Variants in MTRR observed in about 807,000 individuals in gnomAD.
MTRR encodes the protein 5-methyltetrahydrofolate-homocysteine methyltransferase reductase, also known as methionine synthase reductase.
A neutral mutation model predicts 79.2 loss-of-function variants in MTRR; 63 were observed. That is an observed-to-expected ratio of 0.80 (90% CI 0.65 to 0.98). MTRR has a LOEUF of 0.98. Among genes scored for constraint, MTRR ranks in the 50% least tolerant of loss-of-function variants. MTRR has a pLI of 0.00. For missense variants in MTRR, 895 were observed against 839.6 expected, an observed-to-expected ratio of 1.07 and a Z score of -0.82; for synonymous variants, 355 against 313.3, an observed-to-expected ratio of 1.13 and a Z score of -1.41.
rs2126643684 is a variant in MTRR, at chr5:7,870,798, A to T, written c.4A>T (p.Arg2Trp). The T allele has an allele frequency of 3.7e-6, 6 of 1,614,130 alleles. No individual in the cohort carries two copies. The highest frequency in any genetic ancestry group is 1.1e-5 in the South Asian group (1 of 91,076). Residue 2 changes from arginine to tryptophan, a missense_variant, in exon 2 of 15, where the codon AGG becomes TGG. By Grantham distance (101) the Arg-to-Trp change is moderately radical. Transcript: ENST00000440940. Reference sequence around the variant, plus strand: ...CACTGTTACATGCCTTGAAGTGATGAGGAGGTTTCTGTTACTATATGCTAC... The same window carrying T: ...CACTGTTACATGCCTTGAAGTGATGTGGAGGTTTCTGTTACTATATGCTAC... MRRFLLLYATQQ... is the reference protein window; with the variant it reads MWRFLLLYATQQ...
At chr5:7,883,875 A>G (rs1041423864) in intron 6 of MTRR, among the ~76,000 whole-genome samples, 1 of 152,224 alleles carries the variant, frequency 6.6e-6, no homozygotes, top group Non-Finnish European at 1.5e-5. Flanking sequence ...TCAGCCAGGA[A>G]GTTAGAAATA....
chr5:7,870,749 C>CT, intron 1 of MTRR, 21 bp from the exon 2 acceptor site: 2 of 1,613,732 alleles, frequency 1.2e-6, no homozygotes, highest in East Asian at 2.2e-5. Flanking sequence ...AAAAGAGGAT[C>CT]TTTTTTCCCC....
chr5:7,879,878 A>T (rs1281810081), intron 5 of MTRR, among the ~76,000 whole-genome samples: 4 of 152,232 alleles, frequency 2.6e-5, no homozygotes, highest in Admixed American at 2.6e-4. Flanking sequence ...GATCTGCTGT[A>T]GAGCCCTCTC....
chr5:7,865,781 A>C, upstream of MTRR: 1 of 733,492 alleles, frequency 1.4e-6, no homozygotes, highest in Non-Finnish European at 2.3e-6. Flanking sequence ...GTGGCAACTG[A>C]CTCCAAGTAA....
intron 3 of MTRR, 119 bp from the exon 4 acceptor site, chr5:7,875,139 A>G: frequency 2.6e-6 from 2 of 777,020 alleles, no homozygotes; most frequent in Non-Finnish European, 2.3e-6. Context: ...GAAGCTCTGC[A>G]TTATTACTCC....
At chr5:7,861,210 AAGTGTTTGCTATTGG>A (rs774049623) in intron 1 of MTRR, 1 of 1,612,724 alleles carries the variant, frequency 6.2e-7, no homozygotes, top group South Asian at 1.1e-5. Context: ...TTTCCCCAGT[AAGTGTTTGCTATTGG>A]AGCAAAACCT....
intron 2 of MTRR, among the ~76,000 whole-genome samples, chr5:7,871,836 C>G (rs149161231): frequency 6.6e-6 from 1 of 152,326 alleles, no homozygotes; most frequent in Non-Finnish European, 1.5e-5. Flanking sequence ...CTCTGTCATT[C>G]TACAGTAACT....
At chr5:7,861,778 A>G in intron 1 of MTRR, 1 of 1,448,990 alleles carries the variant, frequency 6.9e-7, no homozygotes, top group Non-Finnish European at 9.1e-7. Context: ...TGAAGGCTGC[A>G]AAGTAATGAC....
Position 7,900,076 on chromosome 5 carries a change from A to AT in MTRR, c.*18_*19insT, listed in dbSNP as rs1739237821. ...GGTCATAAAACCAGAAATTAAAGAAAGAGGATTAAGCTTTTTTGACTGAAA... is the reference window on the plus strand; with the variant it reads ...GGTCATAAAACCAGAAATTAAAGAAATGAGGATTAAGCTTTTTTGACTGAAA... On this transcript the variant is annotated 3_prime_UTR_variant, in exon 15 of 15. Transcript: ENST00000440940. 6.2e-7 allele frequency: 1 copy of AT among 1,612,644 alleles called. No homozygotes were observed. Among genetic ancestry groups the AT allele is most frequent in the Admixed American group, 1.7e-5 (1 of 59,752 alleles).
chr5:7,886,751 C>T (rs111775005), intron 8 of MTRR, 48 bp downstream of exon 8: 2 of 1,438,592 alleles, frequency 1.4e-6, no homozygotes. Context: ...ATATGCTTAG[C>T]TTTATTTAGG....
chr5:7,851,424 G>T, exon 1 of MTRR: 1 of 168,692 alleles, frequency 5.9e-6, no homozygotes, highest in Non-Finnish European at 1.3e-5. Flanking sequence ...AGGAGCTGGA[G>T]ATTGAGCCTT....
At chr5:7,884,092 A>T (rs1736020627) in intron 6 of MTRR, among the ~76,000 whole-genome samples, 1 of 152,178 alleles carries the variant, frequency 6.6e-6, no homozygotes, top group Admixed American at 6.5e-5. Flanking sequence ...TGAGCCTGGG[A>T]GGTTGAGACT....
At chr5:7,861,133 A>T in intron 1 of MTRR, 1 of 1,488,846 alleles carries the variant, frequency 6.7e-7, no homozygotes, top group Non-Finnish European at 9.2e-7. Flanking sequence ...AACAAAAAAA[A>T]TAGGTGAAAC....
chr5:7,853,437 A>G (rs945335600), intron 1 of MTRR, among the ~76,000 whole-genome samples: 1 of 152,224 alleles, frequency 6.6e-6, no homozygotes, highest in Non-Finnish European at 1.5e-5. Flanking sequence ...TTATAGCAGC[A>G]TGAGAACAAA....
intron 9 of MTRR, among the ~76,000 whole-genome samples, chr5:7,889,837 G>A (rs1311375889): frequency 1.3e-5 from 2 of 152,086 alleles, no homozygotes; most frequent in Non-Finnish European, 2.9e-5. Flanking sequence ...CATACTCATG[G>A]TACTGCCAGG....
intron 5 of MTRR, 67 bp from the exon 6 acceptor site, chr5:7,883,088 A>G: frequency 6.2e-7 from 1 of 1,606,930 alleles, no homozygotes; most frequent in South Asian, 1.1e-5. Context: ...GATCTTGCGT[A>G]GTCACTAATT....
At chr5:7,871,889 G>A (rs1002488748) in intron 2 of MTRR, among the ~76,000 whole-genome samples, 2 of 152,206 alleles carry the variant, frequency 1.3e-5, no homozygotes, top group Non-Finnish European at 2.9e-5. Flanking sequence ...ATCTGAATCT[G>A]TTACTTTGGA....
At chr5:7,894,967 A>T (rs367902030) in intron 11 of MTRR, among the ~76,000 whole-genome samples, 1 of 152,192 alleles carries the variant, frequency 6.6e-6, no homozygotes, top group Non-Finnish European at 1.5e-5. Context: ...CAGCTTTGCC[A>T]TTCCTTCATT....
chr5:7,868,793 G>A (rs973815452), upstream of MTRR, among the ~76,000 whole-genome samples: 1 of 152,268 alleles, frequency 6.6e-6, no homozygotes, highest in African/African-American at 2.4e-5. Flanking sequence ...AAGACAGACA[G>A]ACGGGAGGCC....
Sources: allele counts gnomAD v4.1 joint callset (sites outside exome capture counted in the v4.1 genomes callset), GRCh38; gene constraint gnomAD v4.1.1; transcripts MANE v1.5; gene names NCBI Gene and HGNC (gene_info 2026-07-23, HGNC 2026-07-21).